Variants in ARL6IP6 observed in about 807,000 individuals in gnomAD.
ARL6IP6 encodes the protein ARF like GTPase 6 interacting protein 6, also known as ADP-ribosylation factor-like protein 6-interacting protein 6.
A neutral mutation model predicts 21.5 loss-of-function variants in ARL6IP6; 22 were observed. That is an observed-to-expected ratio of 1.02 (90% CI 0.73 to 1.46). The LOEUF (loss-of-function observed/expected upper bound fraction) is 1.46. Ranked by LOEUF, ARL6IP6 falls within the 40% of genes most tolerant of loss-of-function variation. The pLI is 0.00. For synonymous variants in ARL6IP6, 164 were observed against 125.3 expected (o/e 1.31, Z -2.06); for missense variants, 388 against 299.8 (o/e 1.29, Z -2.17).
At chr2:152,720,283 TTACCAC>T in intron 1 of ARL6IP6, 1 of 517,180 alleles carries the variant, frequency 1.9e-6, no homozygotes, top group Non-Finnish European at 3.5e-6. Context: ...CCTTTAGTGT[TTACCAC>T]TACCTTAGGG....
Position 152,735,010 on chromosome 2 carries a change from T to A in ARL6IP6, c.471T>A (p.Leu157=). 2.5e-6 allele frequency: 4 copies of A among 1,613,154 alleles called. No homozygotes were observed. The highest frequency in any genetic ancestry group is 3.4e-6 in the Non-Finnish European group (4 of 1,179,164). ...DTGLLGFWTL[L]IISLTAGFSC... is the part of the protein sequence containing the mutation. Reference sequence around the variant, plus strand: ...CCTGTTAAGGATTCTGGACTCTACTTATAATATCCCTAACTGCTGGATTCT... The same window carrying A: ...CCTGTTAAGGATTCTGGACTCTACTAATAATATCCCTAACTGCTGGATTCT... Residue 157 remains leucine (L), a synonymous_variant, in exon 3 of 4, where the codon CTT becomes CTA. Coordinates refer to ENST00000326446, the MANE Select transcript of ARL6IP6 (RefSeq NM_152522.7).
rs375081191 is a variant in ARL6IP6 at position 152,752,490 on chromosome 2, T to C, written c.588-7257T>C. Among the ~76,000 whole-genome samples the C allele has an allele frequency of 1.1e-4, 17 of 152,302 alleles. 1 individual carries two copies. Among genetic ancestry groups the C allele is most frequent in the East Asian group, 7.7e-4 (4 of 5,176 alleles). ...AAAGAATTGAACAAAACCCTCAAAGTAACAAAGGAACAAAATACATGAACG... is the reference window on the plus strand; with the variant it reads ...AAAGAATTGAACAAAACCCTCAAAGCAACAAAGGAACAAAATACATGAACG... On this transcript the variant is annotated intron_variant, in intron 3 of 3. Coordinates refer to ENST00000326446, the MANE Select transcript of ARL6IP6 (RefSeq NM_152522.7).
At chr2:152,747,730 C>A (rs1701122624) in intron 3 of ARL6IP6, among the ~76,000 whole-genome samples, 1 of 152,070 alleles carries the variant, frequency 6.6e-6, no homozygotes, top group Non-Finnish European at 1.5e-5. Context: ...CCACCACACC[C>A]AACTAAGTTT....
At chr2:152,740,359 A>C (rs1700751160) in intron 3 of ARL6IP6, among the ~76,000 whole-genome samples, 1 of 152,186 alleles carries the variant, frequency 6.6e-6, no homozygotes, top group Non-Finnish European at 1.5e-5. Flanking sequence ...TTGGCCTCTC[A>C]AAGTGCTGGG....
chr2:152,718,179 G>T, upstream of ARL6IP6: 1 of 625,600 alleles, frequency 1.6e-6, no homozygotes, highest in Non-Finnish European at 2.0e-6. Flanking sequence ...TGGGGAAGAA[G>T]GGAGAAGACA....
chr2:152,746,215 C>T (rs1363328922), intron 3 of ARL6IP6, among the ~76,000 whole-genome samples: 4 of 151,888 alleles, frequency 2.6e-5, no homozygotes, highest in South Asian at 4.2e-4. Context: ...TTTATAGAGA[C>T]GGGGTTTTGC....
At chr2:152,747,576 T>C (rs1156696482) in intron 3 of ARL6IP6, among the ~76,000 whole-genome samples, 5 of 152,066 alleles carry the variant, frequency 3.3e-5, no homozygotes, top group Non-Finnish European at 5.9e-5. Context: ...TCTTTTTTTT[T>C]TTCCTTTTTT....
At chr2:152,759,686 G>A (rs1559247894) in intron 3 of ARL6IP6, 61 bp from the exon 4 acceptor site, 3 of 1,336,238 alleles carry the variant, frequency 2.2e-6, no homozygotes, top group Admixed American at 1.7e-5. Context: ...AAAACTTTTG[G>A]TGTCTTTGTT....
chr2:152,742,564 G>T (rs543430464), intron 3 of ARL6IP6, among the ~76,000 whole-genome samples: 1 of 122,908 alleles, frequency 8.1e-6, no homozygotes, highest in Non-Finnish European at 1.7e-5. Context: ...AGCAAGATAC[G>T]CTCTTTAAAA....
intron 3 of ARL6IP6, among the ~76,000 whole-genome samples, chr2:152,742,316 G>A (rs1037529124): frequency 4.6e-5 from 7 of 151,958 alleles, no homozygotes; most frequent in East Asian, 1.9e-4. Flanking sequence ...GCCTGTAATC[G>A]CAGCACTTTG....
At chr2:152,737,773 T>G (rs962682927) in intron 3 of ARL6IP6, among the ~76,000 whole-genome samples, 3 of 152,082 alleles carry the variant, frequency 2.0e-5, no homozygotes, top group Non-Finnish European at 2.9e-5. Flanking sequence ...CCACAACACA[T>G]GGGAATTATG....
At chr2:152,749,268 C>T (rs376431856) in intron 3 of ARL6IP6, among the ~76,000 whole-genome samples, 4 of 151,432 alleles carry the variant, frequency 2.6e-5, no homozygotes, top group Admixed American at 6.6e-5. Context: ...TAAAAGAAGT[C>T]GTTATGTAGG....
chr2:152,722,551 G>A (rs1037796783), intron 2 of ARL6IP6, among the ~76,000 whole-genome samples: 1 of 152,144 alleles, frequency 6.6e-6, no homozygotes, highest in Non-Finnish European at 1.5e-5. Flanking sequence ...TACCAGAAGA[G>A]GATTCTTAAA....
At chr2:152,725,644 C>T (rs1290526153) in intron 2 of ARL6IP6, among the ~76,000 whole-genome samples, 5 of 148,026 alleles carry the variant, frequency 3.4e-5, no homozygotes, top group Non-Finnish European at 7.4e-5. Context: ...TTTAATGACG[C>T]AAGTGCAAAA....
At chr2:152,726,182 T>A (rs536130723) in intron 2 of ARL6IP6, among the ~76,000 whole-genome samples, 2 of 152,326 alleles carry the variant, frequency 1.3e-5, no homozygotes, top group East Asian at 3.9e-4. Flanking sequence ...ATCTAATGAT[T>A]TACCAATGTT....
intron 2 of ARL6IP6, among the ~76,000 whole-genome samples, chr2:152,725,372 T>C (rs1301886253): frequency 6.6e-6 from 1 of 152,188 alleles, no homozygotes; most frequent in East Asian, 1.9e-4. Flanking sequence ...TCCTAAGACT[T>C]TAAGTATTTT....
In ARL6IP6 at chr2:152,726,147, T is replaced by G. The variant is rs548248176; in HGVS notation, c.454+5561T>G. ...AATGATCTGTAATAAAAGTGTTGGGTTTTTTTTTTAATTTTCCCATGTGAA... is the reference window on the plus strand; with the variant it reads ...AATGATCTGTAATAAAAGTGTTGGGGTTTTTTTTTAATTTTCCCATGTGAA... On this transcript the variant is annotated intron_variant, in intron 2 of 3. Coordinates refer to ENST00000326446, the MANE Select transcript of ARL6IP6 (RefSeq NM_152522.7). Among the ~76,000 whole-genome samples the G allele has an allele frequency of 1.4e-3, 151 of 109,548 alleles. 1 individual carries two copies. Among genetic ancestry groups the G allele is most frequent in the Non-Finnish European group, 1.1e-3 (52 of 47,736 alleles). The allele number at this position is 109,548 out of a possible 152,430, so 71.9% of individuals were successfully genotyped here. A position where few individuals can be genotyped will look rare whatever the true frequency, so the allele number is the denominator to read the frequency against.
upstream of ARL6IP6, chr2:152,717,984 C>T (rs1699257981): frequency 3.0e-6 from 3 of 998,634 alleles, no homozygotes; most frequent in South Asian, 8.3e-5. Context: ...GTTCGATCTC[C>T]GTACGCACCA....
chr2:152,734,576 A>G (rs908363998), intron 2 of ARL6IP6, among the ~76,000 whole-genome samples: 7 of 152,154 alleles, frequency 4.6e-5, no homozygotes, highest in Non-Finnish European at 7.4e-5. Flanking sequence ...CTGCAACCTC[A>G]AACTCCTGGC....
Sources: gnomAD v4.1 joint callset for allele counts (sites outside exome capture counted in the v4.1 genomes callset) on GRCh38, gnomAD v4.1.1 for gene constraint, MANE v1.5 for transcripts, NCBI Gene and HGNC (gene_info 2026-07-23, HGNC 2026-07-21) for gene names.